UBE2H: variants seen among roughly 807,000 people sequenced by gnomAD.
UBE2H encodes the protein ubiquitin conjugating enzyme E2 H, also known as ubiquitin-conjugating enzyme E2 H.
Under a neutral mutation model 29.0 loss-of-function variants are expected in UBE2H, and 3 were observed. The observed-to-expected ratio is 0.10, with a 90% CI of 0.05 to 0.27. The LOEUF is 0.27. Among genes scored for constraint, UBE2H ranks in the 10% least tolerant of loss-of-function variants. The probability of loss-of-function intolerance (pLI) is 1.00; values close to 1 mark genes in which losing one functional copy is unlikely to be tolerated. For missense variants in UBE2H, 68 were observed against 228.2 expected (o/e 0.30, Z 4.52); for synonymous variants, 69 against 82.9 (o/e 0.83, Z 0.91).
rs1563027578 is a variant in UBE2H at position 129,867,725 on chromosome 7, A to AG, written c.206-8785_206-8784insC. Among the ~76,000 whole-genome samples the AG allele has an allele frequency of 1.7e-3, 75 of 45,202 alleles. 1 individual carries two copies. In the East Asian group the frequency reaches 0.029, roughly 17 times the overall value. The allele number at this position is 45,202 out of a possible 152,430, so 29.7% of individuals were successfully genotyped here. On this transcript the variant is annotated intron_variant, in intron 3 of 6. Coordinates refer to ENST00000355621, the MANE Select transcript of UBE2H (RefSeq NM_003344.4). ...AAAAAAAAAAAAAAAAAAGAAAACC[A>AG]AAAAAAAAAAAAAAAAAGAAGACCA... is the stretch of plus-strand genomic sequence containing the variant.
chr7:129,855,212 A>C (rs1242782259), intron 5 of UBE2H, among the ~76,000 whole-genome samples: 1 of 152,242 alleles, frequency 6.6e-6, no homozygotes, highest in Non-Finnish European at 1.5e-5. Flanking sequence ...ACCTGTTCTG[A>C]GACATGAAGT....
chr7:129,857,385 A>T, intron 5 of UBE2H, 126 bp downstream of exon 5: 1 of 902,624 alleles, frequency 1.1e-6, no homozygotes, highest in Admixed American at 2.7e-5. Flanking sequence ...AAACTTTCCC[A>T]GTCGGTCCCT....
chr7:129,840,024 A>T (rs777324088), intron 5 of UBE2H, among the ~76,000 whole-genome samples: 8 of 152,102 alleles, frequency 5.3e-5, no homozygotes, highest in South Asian at 2.1e-4. Flanking sequence ...ACACAATTTT[A>T]TAGGACTTGA....
chr7:129,892,073 C>T (rs1584769775), intron 1 of UBE2H, among the ~76,000 whole-genome samples: 1 of 151,756 alleles, frequency 6.6e-6, no homozygotes, highest in East Asian at 2.0e-4. Flanking sequence ...CTGCCTCAGC[C>T]TCCCAAGCAG....
intron 2 of UBE2H, among the ~76,000 whole-genome samples, chr7:129,880,566 G>A (rs1806233626): frequency 6.6e-6 from 1 of 152,196 alleles, no homozygotes; most frequent in Admixed American, 6.5e-5. Flanking sequence ...CATTTGCGTT[G>A]TGTTAGCTAT....
chr7:129,839,093 T>C (rs1354999606), intron 6 of UBE2H, 114 bp downstream of exon 6: 3 of 1,478,420 alleles, frequency 2.0e-6, no homozygotes, highest in African/African-American at 1.4e-5. Flanking sequence ...GCTGTCTCTT[T>C]TTAGGCCTAA....
chr7:129,909,983 G>T (rs751767830), intron 1 of UBE2H, among the ~76,000 whole-genome samples: 1 of 152,030 alleles, frequency 6.6e-6, no homozygotes, highest in Non-Finnish European at 1.5e-5. Flanking sequence ...TAGAGGGGGG[G>T]TGATTCAAGG....
chr7:129,922,912 T>G (rs1807192099), intron 1 of UBE2H, among the ~76,000 whole-genome samples: 1 of 151,674 alleles, frequency 6.6e-6, no homozygotes, highest in African/African-American at 2.4e-5. Context: ...CTTTTTTTTC[T>G]TTTTTTTGAG....
At chr7:129,948,000 G>C (rs901566795) in intron 1 of UBE2H, among the ~76,000 whole-genome samples, 7 of 152,022 alleles carry the variant, frequency 4.6e-5, no homozygotes, top group Non-Finnish European at 1.0e-4. Flanking sequence ...CTACAAGCCC[G>C]CACCATCACG....
chr7:129,859,176 T>A (rs1236376386), intron 3 of UBE2H, among the ~76,000 whole-genome samples: 3 of 152,216 alleles, frequency 2.0e-5, no homozygotes, highest in African/African-American at 7.2e-5. Flanking sequence ...CAGCTTCTTA[T>A]ACAAAACAAT....
intron 1 of UBE2H, among the ~76,000 whole-genome samples, chr7:129,935,277 G>A (rs1175591531): frequency 6.6e-5 from 10 of 151,712 alleles, no homozygotes; most frequent in African/African-American, 2.4e-4. Context: ...TGCTGGGCGT[G>A]GTAGTGCATG....
At chr7:129,934,633 G>GT (rs1468424521) in intron 1 of UBE2H, among the ~76,000 whole-genome samples, 3 of 95,050 alleles carry the variant, frequency 3.2e-5, no homozygotes, top group African/African-American at 4.0e-5. Flanking sequence ...GCAAGACTCC[G>GT]TCTTTAAAAA....
At chr7:129,837,965 C>G (rs1470566785) in intron 6 of UBE2H, among the ~76,000 whole-genome samples, 1 of 152,146 alleles carries the variant, frequency 6.6e-6, no homozygotes, top group Non-Finnish European at 1.5e-5. Context: ...ATTGTTGAGA[C>G]AGAATGCATA....
At chr7:129,890,207 C>G (rs1422421717) in intron 1 of UBE2H, among the ~76,000 whole-genome samples, 1 of 151,906 alleles carries the variant, frequency 6.6e-6, no homozygotes, top group Non-Finnish European at 1.5e-5. Context: ...ATTTTAGCCT[C>G]TCAGACAGGT....
intron 6 of UBE2H, among the ~76,000 whole-genome samples, chr7:129,838,593 T>C (rs1373856764): frequency 6.6e-6 from 1 of 152,174 alleles, no homozygotes; most frequent in Non-Finnish European, 1.5e-5. Flanking sequence ...TTCTGAAACA[T>C]ACACAGAGGT....
At chr7:129,913,589 TA>T (rs140573144) in intron 1 of UBE2H, among the ~76,000 whole-genome samples, 9,370 of 152,224 alleles carry the variant, frequency 0.062, 356 homozygotes, top group Non-Finnish European at 0.091. Context: ...AGCCCCTCAA[TA>T]ACTCATGAGG....
intron 3 of UBE2H, among the ~76,000 whole-genome samples, chr7:129,879,040 G>A (rs575937538): frequency 1.3e-5 from 2 of 152,268 alleles, no homozygotes; most frequent in African/African-American, 2.4e-5. Flanking sequence ...GTACCTCTTT[G>A]TACAACCCCA....
At chr7:129,837,931 G>A (rs920332976) in intron 6 of UBE2H, among the ~76,000 whole-genome samples, 4 of 152,200 alleles carry the variant, frequency 2.6e-5, no homozygotes, top group Admixed American at 1.3e-4. Flanking sequence ...TAGCAGACAT[G>A]TACTGAAACA....
In UBE2H at chr7:129,902,641, T is replaced by C. The variant is rs971661418; in HGVS notation, c.54-21670A>G. The stretch of plus-strand genomic sequence containing the variant: ...GTAGCCTACAGCCTCCTATTTAAGG[T>C]GGAGGAGCTTGTTAGAAATGAACAC... On this transcript the variant is annotated intron_variant, in intron 1 of 6. Coordinates refer to ENST00000355621, the MANE Select transcript of UBE2H (RefSeq NM_003344.4). Among the ~76,000 whole-genome samples the C allele has an allele frequency of 2.0e-5, 3 of 152,154 alleles. No homozygotes were observed. The East Asian group carries it at 5.8e-4, about 29-fold the overall frequency.
Sources: gnomAD v4.1 joint callset for allele counts (sites outside exome capture counted in the v4.1 genomes callset) on GRCh38, gnomAD v4.1.1 for gene constraint, MANE v1.5 for transcripts, NCBI Gene and HGNC (gene_info 2026-07-23, HGNC 2026-07-21) for gene names.